The following WIZ variants were observed in gnomAD, a reference collection of about 807,000 sequenced individuals.
The protein encoded by WIZ is WIZ zinc finger.
Under a neutral mutation model 140.2 loss-of-function variants are expected in WIZ, and 25 were observed. That is an observed-to-expected ratio of 0.18 (90% CI 0.13 to 0.25). The LOEUF is 0.25. Among genes scored for constraint, WIZ ranks in the 10% least tolerant of loss-of-function variants. The pLI is 1.00. For synonymous variants in WIZ, 1,125 were observed against 1,154.3 expected, an observed-to-expected ratio of 0.97 and a Z score of 0.51; for missense variants, 2,231 against 2,632.6, an observed-to-expected ratio of 0.85 and a Z score of 3.34.
intron 5 of WIZ, among the ~76,000 whole-genome samples, chr19:15,432,847 C>T (rs1417554205): frequency 2.0e-5 from 3 of 151,782 alleles, no homozygotes; most frequent in Non-Finnish European, 2.9e-5. Flanking sequence ...TGCCGAGCGC[C>T]GAGCGCCGAG....
At position 15,428,005 on chromosome 19, in the gene WIZ, GC is replaced by G; in HGVS notation, c.3814+104del. The G allele has an allele frequency of 6.9e-7, 1 of 1,442,346 alleles. No individual in the cohort carries two copies. The highest frequency in any genetic ancestry group is 1.4e-5 in the South Asian group (1 of 71,986). 89.3% of individuals were successfully genotyped at this position (1,442,346 alleles called of 1,614,324 possible). A position where few individuals can be genotyped will look rare whatever the true frequency, so the allele number is the denominator to read the frequency against. The stretch of plus-strand genomic sequence containing the variant: ...GGGCAGAACCGGCCCACTGCCAAGG[GC>G]CCCTGTCTACTCCCTGCCCCAGCAG... On this transcript the variant is annotated intron_variant, in intron 8 of 12. Transcript: ENST00000673675. The surrounding 1 kb of genome is among the most constrained non-coding windows in gnomAD (Gnocchi z 6.4).
At position 15,440,613 on chromosome 19, in the gene WIZ, G is replaced by T; in HGVS notation, c.381C>A (p.His127Gln). ...CCTCCCCAGCCTCCTGGACAAGGGG[G>T]TGCTCCCAGGGCCCCCGGCCATCAG... ...GTPDGRGPWE[H>Q]PLVQEAGEGI... The change falls in exon 4 of 13, where the codon CAC becomes CAA. Residue 127 changes from histidine to glutamine, a missense_variant. This residue lies in a region of WIZ where 307 missense variants were observed against 294.1 expected (regional missense o/e 1.04). Coordinates refer to ENST00000673675, the MANE Select transcript of WIZ (RefSeq NM_001371589.1). This position sits in a 1 kb window ranked among gnomAD's most constrained non-coding sequence, Gnocchi z 6.2. 1 of 1,535,132 alleles carries T rather than the reference G, an allele frequency of 6.5e-7. No homozygotes were observed. Among genetic ancestry groups the T allele is most frequent in the Non-Finnish European group, 8.7e-7 (1 of 1,146,104 alleles).
chr19:15,426,471 G>A (rs140827033), intron 9 of WIZ, among the ~76,000 whole-genome samples: 1 of 152,206 alleles, frequency 6.6e-6, no homozygotes, highest in Non-Finnish European at 1.5e-5. Flanking sequence ...ACCAGACAGA[G>A]TTGGGACTAT....
In WIZ at chr19:15,440,232, T is replaced by G. The variant is rs1969684966; in HGVS notation, c.762A>C (p.Leu254=). Residue 254 remains leucine, a synonymous_variant, in exon 4 of 13, where the codon CTA becomes CTC. Coordinates refer to ENST00000673675, the MANE Select transcript of WIZ (RefSeq NM_001371589.1). The surrounding 1 kb of genome is among the most constrained non-coding windows in gnomAD (Gnocchi z 6.2). ...TGGCTACCTCCGAGGCTGACGTGGG[T>G]AGGCCCCACTCGGACGGCTGGGCCA... ...EGLAQPSEWG[L]PTSASEVATQ... is the part of the protein sequence containing the mutation. 6.6e-7 allele frequency: 1 copy of G among 1,505,946 alleles called. No individual in the cohort carries two copies. 93.3% of individuals were successfully genotyped at this position (1,505,946 alleles called of 1,614,324 possible). A position where few individuals can be genotyped will look rare whatever the true frequency, so the allele number is the denominator to read the frequency against.
In WIZ at chr19:15,445,684, C is replaced by T. The variant is rs1023298400; in HGVS notation, c.205+2419G>A. Reference sequence around the variant, plus strand: ...GTACCAGACTCTTCATCGATCCATACAGACCACCTCAGCCCCTGAGTCTTT... The same window carrying T: ...GTACCAGACTCTTCATCGATCCATATAGACCACCTCAGCCCCTGAGTCTTT... On this transcript the variant is annotated intron_variant, in intron 2 of 12. Transcript: ENST00000673675. Among the ~76,000 whole-genome samples the T allele has an allele frequency of 2.0e-5, 3 of 152,308 alleles. No individual in the cohort carries two copies. The South Asian group carries it at 6.2e-4, about 32-fold the overall frequency.
chr19:15,429,484 G>GCCCCCCCCC, intron 7 of WIZ, 102 bp downstream of exon 7: 1 of 319,064 alleles, frequency 3.1e-6, no homozygotes, highest in Non-Finnish European at 5.4e-6. Flanking sequence ...AGTCCCCACC[G>GCCCCCCCCC]CCCCCACCCA....
chr19:15,428,020 C>T lies in WIZ; in HGVS notation c.3814+90G>A, dbSNP rs1319422128. 1 of 1,489,322 alleles carries T rather than the reference C, an allele frequency of 6.7e-7. No homozygotes were observed. The highest frequency in any genetic ancestry group is 8.9e-7 in the Non-Finnish European group (1 of 1,126,372). The allele number at this position is 1,489,322 out of a possible 1,614,324, so 92.3% of individuals were successfully genotyped here. A position where few individuals can be genotyped will look rare whatever the true frequency, so the allele number is the denominator to read the frequency against. ...ACTGCCAAGGGCCCCTGTCTACTCC[C>T]TGCCCCAGCAGGGAGGGGGCTGTGA... is the stretch of plus-strand genomic sequence containing the variant. On this transcript the variant is annotated intron_variant, in intron 8 of 12. Transcript: ENST00000673675. This position sits in a 1 kb window ranked among gnomAD's most constrained non-coding sequence, Gnocchi z 6.4.
chr19:15,434,358 G>A (rs1287274049), intron 5 of WIZ, among the ~76,000 whole-genome samples: 3 of 151,288 alleles, frequency 2.0e-5, no homozygotes, highest in South Asian at 2.1e-4. Flanking sequence ...TCAGGAGATC[G>A]AGACCGTGCT....
intron 2 of WIZ, among the ~76,000 whole-genome samples, chr19:15,444,128 C>A (rs564768949): frequency 6.6e-6 from 1 of 152,170 alleles, no homozygotes; most frequent in African/African-American, 2.4e-5. Context: ...GGATTAGCCT[C>A]AATTTGAGGA....
At chr19:15,423,359 G>A in intron 12 of WIZ, 124 bp from the exon 13 acceptor site, 1 of 1,215,646 alleles carries the variant, frequency 8.2e-7, no homozygotes, top group Non-Finnish European at 1.1e-6. Context: ...CCAGGAGGCG[G>A]GGGAAGAGGG....
intron 5 of WIZ, among the ~76,000 whole-genome samples, chr19:15,432,148 T>C (rs528821633): frequency 3.3e-5 from 5 of 151,416 alleles, no homozygotes; most frequent in Admixed American, 6.6e-5. Context: ...CTGAAGTGAG[T>C]TTCCGCACCG....
intron 2 of WIZ, among the ~76,000 whole-genome samples, chr19:15,445,124 CT>C (rs996626101): frequency 6.6e-5 from 10 of 152,366 alleles, no homozygotes; most frequent in African/African-American, 2.4e-4. Context: ...GGTCGCAGCC[CT>C]TAGGCAGTGG....
chr19:15,432,424 G>C, intron 5 of WIZ: 2 of 982,828 alleles, frequency 2.0e-6, no homozygotes, highest in Non-Finnish European at 2.4e-6. Context: ...TCCCAAGCGC[G>C]GGCTCTTACC....
At chr19:15,438,486 C>T in intron 4 of WIZ, 92 bp downstream of exon 4, 1 of 1,354,926 alleles carries the variant, frequency 7.4e-7, no homozygotes. Context: ...GCCCCAGTGT[C>T]CCCCTGCTTG....
chr19:15,427,230 G>C lies in WIZ; in HGVS notation c.4118C>G (p.Pro1373Arg). ...ARSPSDLHISPLAKKLPPPPG... is the reference protein window; with the variant it reads ...ARSPSDLHISRLAKKLPPPPG... ...TGGTGGTGGCAACTTCTTGGCCAAG[G>C]GTGAGATGTGAAGGTCCGAGGGGCT... The change falls in exon 9 of 13, where the codon CCC becomes CGC. Residue 1373 changes from proline (P) to arginine (R), a missense_variant. By Grantham distance (103) the Pro-to-Arg change is moderately radical. Coordinates refer to ENST00000673675, the MANE Select transcript of WIZ (RefSeq NM_001371589.1). This position sits in a 1 kb window ranked among gnomAD's most constrained non-coding sequence, Gnocchi z 6.4. 14 of 1,614,084 alleles carry C rather than the reference G, an allele frequency of 8.7e-6. No individual in the cohort carries two copies. The highest frequency in any genetic ancestry group is 1.2e-5 in the Non-Finnish European group (14 of 1,180,028).
In WIZ at chr19:15,425,836, GGGAGGAGGAGGAGGGAGGAGGGAGGA is replaced by G. The variant is rs1568290302; in HGVS notation, c.4367-94_4367-69del. ...GAGGAGGGAGGAGGAGGGAGGAGGAGGGAGGAGGAGGAGGGAGGAGGGAGGAGGAGGAGGAGGAGGAGGAGGAGGAG... is the reference window on the plus strand; with the variant it reads ...GAGGAGGGAGGAGGAGGGAGGAGGAGGGAGGAGGAGGAGGAGGAGGAGGAG... On this transcript the variant is annotated intron_variant, in intron 9 of 12. Transcript: ENST00000673675. 360 of 53,854 alleles carry G rather than the reference GGGAGGAGGAGGAGGGAGGAGGGAGGA, an allele frequency of 6.7e-3. 78 individuals carry two copies. In the African/African-American group the frequency reaches 0.074, roughly 11 times the overall value. 3.3% of individuals were successfully genotyped at this position (53,854 alleles called of 1,614,324 possible).
chr19:15,431,133 G>A lies in WIZ; in HGVS notation c.2790C>T (p.Pro930=). ...NAMVAMDLGS[P]SLPKKSLPVP... Reference sequence around the variant, plus strand: ...CAGGCAGGCTCTTCTTAGGGAGCGAGGGAGAGCCCAAGTCCATGGCCACCA... The same window carrying A: ...CAGGCAGGCTCTTCTTAGGGAGCGAAGGAGAGCCCAAGTCCATGGCCACCA... The change falls in exon 6 of 13, where the codon CCC becomes CCT. Residue 930 remains proline, a synonymous_variant. Transcript: ENST00000673675. 2 of 1,535,104 alleles carry A rather than the reference G, an allele frequency of 1.3e-6. No homozygotes were observed. The highest frequency in any genetic ancestry group is 1.7e-6 in the Non-Finnish European group (2 of 1,146,428).
At position 15,428,489 on chromosome 19, in the gene WIZ, G is replaced by C. The variant is rs1969003212; in HGVS notation, c.3435C>G (p.Gly1145=). 6.5e-7 allele frequency: 1 copy of C among 1,535,458 alleles called. No homozygotes were observed. Among genetic ancestry groups the C allele is most frequent in the Admixed American group, 2.0e-5 (1 of 50,978 alleles). Residue 1145 remains glycine, a synonymous_variant, in exon 8 of 13, where the codon GGC becomes GGG. Coordinates refer to ENST00000673675, the MANE Select transcript of WIZ (RefSeq NM_001371589.1). The surrounding 1 kb of genome is among the most constrained non-coding windows in gnomAD (Gnocchi z 6.4). ...PLNLTLDSDG[G]RELDCQLCGA... ...CGCACAGCTGGCAGTCCAGCTCTCTGCCCCCGTCACTATCTAAAGCTGCGG... is the reference window on the plus strand; with the variant it reads ...CGCACAGCTGGCAGTCCAGCTCTCTCCCCCCGTCACTATCTAAAGCTGCGG...
chr19:15,439,607 G>C lies in WIZ; in HGVS notation c.1387C>G (p.Leu463Val), dbSNP rs1024048167. Residue 463 changes from leucine to valine, a missense_variant, in exon 4 of 13, where the codon CTC (leucine) becomes GTC (valine). Physicochemically the swap from Leu to Val is conservative, Grantham distance 32 (BLOSUM62 1). Transcript: ENST00000673675. The surrounding 1 kb of genome is among the most constrained non-coding windows in gnomAD (Gnocchi z 7.0). ...LYQPYGAAVG[L>V]SACVFCGFPA... ...AAACCACAGAAGACACAGGCGCTGA[G>C]GCCAACGGCAGCTCCGTAGGGCTGA... The C allele has an allele frequency of 4.1e-6, 6 of 1,480,024 alleles. No homozygotes were observed. Among genetic ancestry groups the C allele is most frequent in the African/African-American group, 2.8e-5 (2 of 70,818 alleles). The allele number at this position is 1,480,024 out of a possible 1,614,324, so 91.7% of individuals were successfully genotyped here.
Sources: allele counts gnomAD v4.1 joint callset (sites outside exome capture counted in the v4.1 genomes callset), GRCh38; gene constraint gnomAD v4.1.1; regional missense constraint gnomAD v4.1.1; non-coding constraint Gnocchi (gnomAD v3.1); transcripts MANE v1.5; gene names NCBI Gene and HGNC (gene_info 2026-07-23, HGNC 2026-07-21).